GPR135: variants seen among roughly 807,000 people sequenced by gnomAD.
GPR135 encodes the protein G protein-coupled receptor 135, also known as G-protein coupled receptor 135.
Under a neutral mutation model 15.0 loss-of-function variants are expected in GPR135, and 17 were observed. The observed-to-expected ratio is 1.13, with a 90% CI of 0.78 to 1.70. GPR135 has a LOEUF of 1.70. GPR135 is among the 40% of genes most tolerant of loss of function. The pLI is 0.00. For synonymous variants in GPR135, 368 were observed against 349.4 expected, an observed-to-expected ratio of 1.05 and a Z score of -0.59; for missense variants, 776 against 727.0, an observed-to-expected ratio of 1.07 and a Z score of -0.78.
Position 59,464,567 on chromosome 14 carries a change from C to G in GPR135, c.660G>C (p.Lys220Asn), listed in dbSNP as rs758385032. 4.4e-6 allele frequency: 7 copies of G among 1,574,720 alleles called. No homozygotes were observed. In the South Asian group the frequency reaches 7.9e-5, roughly 18 times the overall value. ...YCAIVRPPRE[K>N]IGRRRALQLL... is the part of the protein sequence containing the mutation. Reference sequence around the variant, plus strand: ...GCTGCAGCGCGCGGCGGCGGCCGATCTTCTCCCGCGGCGGCCGCACGATAG... The same window carrying G: ...GCTGCAGCGCGCGGCGGCGGCCGATGTTCTCCCGCGGCGGCCGCACGATAG... The change falls in exon 1 of 1, where the codon AAG (lysine) becomes AAC (asparagine). Residue 220 changes from lysine to asparagine, a missense_variant. Physicochemically the swap from Lys to Asn is moderately conservative, Grantham distance 94. Coordinates refer to ENST00000395116, the MANE Select transcript of GPR135 (RefSeq NM_022571.6).
In GPR135 at chr14:59,464,970, C is replaced by T. The variant is rs2139782612; in HGVS notation, c.257G>A (p.Arg86Lys). Reference protein sequence around the residue: ...GAAREAGAAVRRPLGPEAAPL... With the variant: ...GAAREAGAAVKRPLGPEAAPL... ...CGCCGCCTCCGGGCCTAGCGGCCGC[C>T]TCACCGCCGCCCCCGCCTCCCGCGC... Residue 86 changes from arginine to lysine, a missense_variant, in exon 1 of 1, where the codon AGG becomes AAG. Physicochemically the swap from Arg to Lys is conservative, Grantham distance 26 (BLOSUM62 2). Coordinates refer to ENST00000395116, the MANE Select transcript of GPR135 (RefSeq NM_022571.6). 1 of 1,487,810 alleles carries T rather than the reference C, an allele frequency of 6.7e-7. No individual in the cohort carries two copies. Among genetic ancestry groups the T allele is most frequent in the Non-Finnish European group, 8.9e-7 (1 of 1,122,776 alleles). 92.2% of individuals were successfully genotyped at this position (1,487,810 alleles called of 1,614,324 possible).
In GPR135 at chr14:59,461,073, G is replaced by A. The variant is rs1888839660; in HGVS notation, c.*2669C>T. Reference sequence around the variant, plus strand: ...ACAAGTAAACTTGTTATGGCTGATTGTTGTTACAAAGCCACAAGGTCCTTG... The same window carrying A: ...ACAAGTAAACTTGTTATGGCTGATTATTGTTACAAAGCCACAAGGTCCTTG... On this transcript the variant is annotated 3_prime_UTR_variant, in exon 1 of 1. Transcript: ENST00000395116. 1 of 152,174 alleles carries A rather than the reference G, an allele frequency of 6.6e-6. No homozygotes were observed. Among genetic ancestry groups the A allele is most frequent in the Admixed American group, 6.5e-5 (1 of 15,280 alleles). The allele number at this position is 152,174 out of a possible 1,614,324, so 9.4% of individuals were successfully genotyped here.
At position 59,465,048 on chromosome 14, in the gene GPR135, C is replaced by T; in HGVS notation, c.179G>A (p.Gly60Glu). The change falls in exon 1 of 1, where the codon GGA (glycine) becomes GAA (glutamate). Residue 60 changes from glycine to glutamate, a missense_variant. By Grantham distance (98) the Gly-to-Glu change is moderately conservative. Transcript: ENST00000395116. ...ACCGGGAGCGGCAGCTGTGCCGCCT[C>T]CGCTTGCGTCGCTCAGGTTCCCCAG... The part of the protein sequence containing the change: ...AALGNLSDAS[G>E]GGTAAAPGGG... 7.4e-7 allele frequency: 1 copy of T among 1,352,030 alleles called. No individual in the cohort carries two copies. Among genetic ancestry groups the T allele is most frequent in the Non-Finnish European group, 9.5e-7 (1 of 1,054,808 alleles). The allele number at this position is 1,352,030 out of a possible 1,614,324, so 83.8% of individuals were successfully genotyped here. A position where few individuals can be genotyped will look rare whatever the true frequency, so the allele number is the denominator to read the frequency against.
rs753149939 is a variant in GPR135, at chr14:59,464,434, G to A, written c.793C>T (p.Arg265Trp). ...AGCTGCGCGGGGTCCGGGGAGGTCC[G>A]GTAGAGGCAGCCGTGGAAGCTCTGC... is the stretch of plus-strand genomic sequence containing the variant. ...AAQSFHGCLYRTSPDPAQLGA... is the reference protein window; with the variant it reads ...AAQSFHGCLYWTSPDPAQLGA... The change falls in exon 1 of 1, where the codon CGG (arginine) becomes TGG (tryptophan). Residue 265 changes from arginine to tryptophan, a missense_variant. Transcript: ENST00000395116. 40 of 1,571,452 alleles carry A rather than the reference G, an allele frequency of 2.5e-5. No homozygotes were observed. The highest frequency in any genetic ancestry group is 5.4e-5 in the African/African-American group (4 of 74,244).
chr14:59,464,630 C>T lies in GPR135; in HGVS notation c.597G>A (p.Thr199=), dbSNP rs1428752137. 4 of 1,597,436 alleles carry T rather than the reference C, an allele frequency of 2.5e-6. No individual in the cohort carries two copies. Among genetic ancestry groups the T allele is most frequent in the African/African-American group, 1.3e-5 (1 of 74,778 alleles). ...CCAACGAGATGAGCGCCACGCTGAG[C>T]GTGGACACGATGCCGAAGCACGAGC... ...FFSSCFGIVS[T]LSVALISLDR... Residue 199 remains threonine, a synonymous_variant, in exon 1 of 1, where the codon ACG becomes ACA. Transcript: ENST00000395116.
At chr14:59,456,422 T>C (rs981063827), downstream of GPR135, 1 of 152,226 alleles carries the variant, frequency 6.6e-6, no homozygotes, top group African/African-American at 2.4e-5. Context: ...CCCATTACGC[T>C]AAATTCATGA....
In GPR135 at chr14:59,464,314, G is replaced by T. The variant is rs1183831032; in HGVS notation, c.913C>A (p.Arg305Ser). The T allele has an allele frequency of 8.1e-6, 13 of 1,611,132 alleles. No individual in the cohort carries two copies. The highest frequency in any genetic ancestry group is 1.1e-5 in the Non-Finnish European group (13 of 1,179,268). The change falls in exon 1 of 1, where the codon CGC (arginine) becomes AGC (serine). Residue 305 changes from arginine to serine, a missense_variant. Coordinates refer to ENST00000395116, the MANE Select transcript of GPR135 (RefSeq NM_022571.6). ...FCHYHICKTV[R>S]LSDVRVRPVN... ...GGCCGCACGCGCACGTCCGACAGGC[G>T]CACCGTCTTGCAGATGTGGTAGTGG...
chr14:59,463,632 C>T lies in GPR135; in HGVS notation c.*110G>A. On this transcript the variant is annotated 3_prime_UTR_variant, in exon 1 of 1. Coordinates refer to ENST00000395116, the MANE Select transcript of GPR135 (RefSeq NM_022571.6). Reference sequence around the variant, plus strand: ...GGAAAGTGGTAAGCCTCCCCCGTCTCTAGCTTTAAATGTTTGGCTTTATGA... The same window carrying T: ...GGAAAGTGGTAAGCCTCCCCCGTCTTTAGCTTTAAATGTTTGGCTTTATGA... The T allele has an allele frequency of 9.2e-7, 1 of 1,082,508 alleles. No individual in the cohort carries two copies. Among genetic ancestry groups the T allele is most frequent in the Non-Finnish European group, 1.3e-6 (1 of 766,254 alleles). The allele number at this position is 1,082,508 out of a possible 1,614,324, so 67.1% of individuals were successfully genotyped here.
chr14:59,464,605 C>G lies in GPR135; in HGVS notation c.622G>C (p.Asp208His), dbSNP rs766875214. 4 of 1,596,388 alleles carry G rather than the reference C, an allele frequency of 2.5e-6. No homozygotes were observed. In the South Asian group the frequency reaches 4.4e-5, roughly 18 times the overall value. ...GGCCGCACGATAGCGCAGTAACGGTCCAACGAGATGAGCGCCACGCTGAGC... is the reference window on the plus strand; with the variant it reads ...GGCCGCACGATAGCGCAGTAACGGTGCAACGAGATGAGCGCCACGCTGAGC... The part of the protein sequence containing the change: ...STLSVALISL[D>H]RYCAIVRPPR... The change falls in exon 1 of 1, where the codon GAC (aspartate) becomes CAC (histidine). Residue 208 changes from aspartate to histidine, a missense_variant. Transcript: ENST00000395116.
chr14:59,454,555 T>C (rs1888589795), intron 6 of GPR135, among the ~76,000 whole-genome samples: 3 of 152,172 alleles, frequency 2.0e-5, no homozygotes. Flanking sequence ...TTTCAAATAT[T>C]ATTTGAGGGC....
In GPR135 at chr14:59,464,870, A is replaced by G; in HGVS notation, c.357T>C (p.Leu119=). The change falls in exon 1 of 1, where the codon CTT becomes CTC. Residue 119 remains leucine, a synonymous_variant. Coordinates refer to ENST00000395116, the MANE Select transcript of GPR135 (RefSeq NM_022571.6). Reference sequence around the variant, plus strand: ...TCACCCCCATCACCGCGCAGTTGCCAAGGCTAGACAGCAGGAAGATGAGCA... The same window carrying G: ...TCACCCCCATCACCGCGCAGTTGCCGAGGCTAGACAGCAGGAAGATGAGCA... ...VLLLIFLLSS[L]GNCAVMGVIV... 1 of 1,606,266 alleles carries G rather than the reference A, an allele frequency of 6.2e-7. No individual in the cohort carries two copies.
chr14:59,453,266 AT>A (rs1888547709), intron 6 of GPR135, among the ~76,000 whole-genome samples: 1 of 152,204 alleles, frequency 6.6e-6, no homozygotes, highest in African/African-American at 2.4e-5. Flanking sequence ...AGGTTTATTG[AT>A]TATAACAAAT....
chr14:59,456,159 C>A (rs1194758924), downstream of GPR135, among the ~76,000 whole-genome samples: 1 of 152,068 alleles, frequency 6.6e-6, no homozygotes, highest in African/African-American at 2.4e-5. Flanking sequence ...AGCTGCATCT[C>A]TGATGGTATT....
intron 6 of GPR135, among the ~76,000 whole-genome samples, chr14:59,454,732 C>A (rs1381903106): frequency 6.6e-6 from 1 of 152,060 alleles, no homozygotes; most frequent in Admixed American, 6.6e-5. Context: ...AGAGAACACA[C>A]AAAGCTGTAA....
Position 59,464,306 on chromosome 14 carries a change from C to T in GPR135, c.921G>A (p.Ser307=), listed in dbSNP as rs1275972505. ...TGTTCACCGGCCGCACGCGCACGTCCGACAGGCGCACCGTCTTGCAGATGT... is the reference window on the plus strand; with the variant it reads ...TGTTCACCGGCCGCACGCGCACGTCTGACAGGCGCACCGTCTTGCAGATGT... ...HYHICKTVRL[S]DVRVRPVNTY... Residue 307 remains serine (S), a synonymous_variant, in exon 1 of 1, where the codon TCG becomes TCA. Coordinates refer to ENST00000395116, the MANE Select transcript of GPR135 (RefSeq NM_022571.6). 6.2e-7 allele frequency: 1 copy of T among 1,611,644 alleles called. No individual in the cohort carries two copies. Among genetic ancestry groups the T allele is most frequent in the South Asian group, 1.1e-5 (1 of 90,982 alleles).
rs750425214 is a variant in GPR135 at position 59,463,834 on chromosome 14, GA to G, written c.1392del (p.Pro465GlnfsTer14). The G allele has an allele frequency of 3.1e-6, 5 of 1,614,112 alleles. No individual in the cohort carries two copies. The South Asian group carries it at 5.5e-5, about 18-fold the overall frequency. Reference sequence around the variant, plus strand: ...CCCTCTCGGCAGAAAAGTACAACTGGATTTTTGCGGGCCCACATGGCCACGT... The same window carrying G: ...CCCTCTCGGCAGAAAAGTACAACTGGTTTTTGCGGGCCCACATGGCCACGT... ...AGDVAMWARKNPVVLFCREGP... is the reference protein window; with the variant it reads ...AGDVAMWARKXPVVLFCREGP... On this transcript the variant is annotated frameshift_variant, in exon 1 of 1. Coordinates refer to ENST00000395116, the MANE Select transcript of GPR135 (RefSeq NM_022571.6). LOFTEE classifies it high-confidence loss of function.
At chr14:59,453,245 T>C (rs960212108) in intron 6 of GPR135, among the ~76,000 whole-genome samples, 8 of 152,176 alleles carry the variant, frequency 5.3e-5, no homozygotes, top group Non-Finnish European at 1.0e-4. Context: ...GTGATAGCAA[T>C]GTGTCATTGT....
At chr14:59,455,554 G>C (rs1888623598) in intron 6 of GPR135, 1 of 152,218 alleles carries the variant, frequency 6.6e-6, no homozygotes, top group Admixed American at 6.5e-5. Context: ...GCTTCTGTGA[G>C]TCAGAAACTT....
In GPR135 at chr14:59,462,902, A is replaced by AT. The variant is rs34419757; in HGVS notation, c.*839dup. On this transcript the variant is annotated 3_prime_UTR_variant, in exon 1 of 1. Coordinates refer to ENST00000395116, the MANE Select transcript of GPR135 (RefSeq NM_022571.6). ...GACAAAAATTTTCTACAATGAAAATATTTTTTTAAATGTGAAAGCATTCTG... is the reference window on the plus strand; with the variant it reads ...GACAAAAATTTTCTACAATGAAAATATTTTTTTTAAATGTGAAAGCATTCTG... 1.3e-5 allele frequency: 2 copies of AT among 152,212 alleles called. No individual in the cohort carries two copies. The highest frequency in any genetic ancestry group is 2.9e-5 in the Non-Finnish European group (2 of 68,032). 9.4% of individuals were successfully genotyped at this position (152,212 alleles called of 1,614,324 possible).
Sources: allele counts gnomAD v4.1 joint callset (sites outside exome capture counted in the v4.1 genomes callset), GRCh38; gene constraint gnomAD v4.1.1; transcripts MANE v1.5; gene names NCBI Gene and HGNC (gene_info 2026-07-23, HGNC 2026-07-21).